The following PSG1 variants were observed in gnomAD, a reference collection of about 807,000 sequenced individuals.
The protein encoded by PSG1 is pregnancy specific beta-1-glycoprotein 1, also known as pregnancy-specific beta-1-glycoprotein 1.
In PSG1, 60 loss-of-function variants were observed where a neutral mutation model predicts 41.4. The ratio of observed to expected loss-of-function variants is 1.45; its 90% CI spans 1.18 to 1.80. The LOEUF (loss-of-function observed/expected upper bound fraction) is 1.80, where lower values mean the gene tolerates loss of function less well. Ranked by LOEUF, PSG1 falls within the 40% of genes most tolerant of loss-of-function variation. The pLI is 0.00. For synonymous variants in PSG1, 256 were observed against 192.9 expected, an observed-to-expected ratio of 1.33 and a Z score of -2.71; for missense variants, 806 against 516.9, an observed-to-expected ratio of 1.56 and a Z score of -5.42.
chr19:42,875,192 G>A (rs1044698568), intron 2 of PSG1, among the ~76,000 whole-genome samples: 1 of 151,774 alleles, frequency 6.6e-6, no homozygotes, highest in African/African-American at 2.4e-5. Flanking sequence ...CTGGGCATAG[G>A]CCAGGTTAAC....
intron 3 of PSG1, chr19:42,870,167 A>G (rs1971320251): frequency 6.6e-6 from 1 of 151,830 alleles, no homozygotes; most frequent in Non-Finnish European, 1.5e-5. Flanking sequence ...GTAGAGCTTG[A>G]TGCCTATAGT....
intron 2 of PSG1, among the ~76,000 whole-genome samples, chr19:42,873,388 T>C (rs1971474604): frequency 6.6e-6 from 1 of 151,656 alleles, no homozygotes; most frequent in African/African-American, 2.4e-5. Context: ...CATTTCAGAT[T>C]GTGGATTTCT....
intron 3 of PSG1, among the ~76,000 whole-genome samples, chr19:42,871,024 T>C (rs1971360328): frequency 6.6e-6 from 1 of 151,556 alleles, no homozygotes; most frequent in Non-Finnish European, 1.5e-5. Context: ...CCCTCTCCCT[T>C]TGCAGAGGGC....
chr19:42,872,069 T>C lies in PSG1; in HGVS notation c.431-24A>G, dbSNP rs1971417544. ...CACTGTGCAGAAAACAGGGTGAAGA[T>C]TGCCGTGTGTGGCGCCTTTGATTCC... On this transcript the variant is annotated intron_variant, in intron 2 of 5. Transcript: ENST00000436291. The C allele has an allele frequency of 4.4e-6, 7 of 1,597,430 alleles. No homozygotes were observed. In the East Asian group the frequency reaches 1.3e-4, roughly 31 times the overall value.
intron 3 of PSG1, chr19:42,870,446 C>T (rs1332158514): frequency 6.6e-6 from 1 of 151,450 alleles, no homozygotes; most frequent in African/African-American, 2.4e-5. Context: ...CGGTGAATTC[C>T]ACAGTGGCCA....
chr19:42,876,206 A>T (rs1217767395), intron 2 of PSG1, among the ~76,000 whole-genome samples: 11 of 151,474 alleles, frequency 7.3e-5, no homozygotes, highest in Non-Finnish European at 1.5e-4. Context: ...TGGGAGGAAG[A>T]TGAGGGACAC....
At chr19:42,875,910 T>C (rs1316226702) in intron 2 of PSG1, among the ~76,000 whole-genome samples, 2 of 148,652 alleles carry the variant, frequency 1.3e-5, no homozygotes, top group African/African-American at 4.9e-5. Flanking sequence ...CCCTGTCCCA[T>C]GGTCTTGTCC....
intron 3 of PSG1, 113 bp downstream of exon 3, chr19:42,871,654 T>C: frequency 3.1e-6 from 5 of 1,609,150 alleles, no homozygotes; most frequent in Non-Finnish European, 4.2e-6. Flanking sequence ...CCAGGTTTGA[T>C]GTCCAGGGGT....
Position 42,868,161 on chromosome 19 carries a change from A to G in PSG1, c.1183T>C (p.Ser395Pro). The G allele has an allele frequency of 6.2e-7, 1 of 1,612,432 alleles. No homozygotes were observed. The highest frequency in any genetic ancestry group is 8.5e-7 in the Non-Finnish European group (1 of 1,179,114). ...TTGCCAGTGGCTGAGTTACGAACAG[A>G]GCAAACATAGAGCCCGCTATGCTTT... ...TTKHSGLYVC[S>P]VRNSATGKES... The change falls in exon 5 of 6, where the codon TCT becomes CCT. Residue 395 changes from serine to proline, a missense_variant. Ser to Pro is a moderately conservative substitution (Grantham distance 74, BLOSUM62 -1). Transcript: ENST00000436291.
rs1064472 is a variant in PSG1, at chr19:42,879,647, C to T, written c.-66G>A. The T allele has an allele frequency of 2.6e-4, 421 of 1,590,962 alleles. 6 individuals are homozygous for T. The highest frequency in any genetic ancestry group is 3.2e-4 in the Non-Finnish European group (367 of 1,164,848). ...CTAGGATCCAGAAACTCTCTGAGCA[C>T]GGCTGTCAGCTGTGCTGTCCTTCCT... is the stretch of plus-strand genomic sequence containing the variant. On this transcript the variant is annotated 5_prime_UTR_variant, in exon 1 of 6. It adds an upstream start codon to the 5' untranslated region. Transcript: ENST00000436291.
rs778903227 is a variant in PSG1, at chr19:42,878,120, G to A, written c.223C>T (p.Leu75Phe). The A allele has an allele frequency of 1.4e-5, 22 of 1,612,120 alleles. No homozygotes were observed. The highest frequency in any genetic ancestry group is 1.8e-5 in the Non-Finnish European group (21 of 1,179,148). ...YIWYKGQMRD[L>F]YHYITSYVVD... ...ACATATGATGTAATGTAATGGTAGA[G>A]GTCCCTCATTTGCCCTTTGTACCAG... The change falls in exon 2 of 6, where the codon CTC becomes TTC. Residue 75 changes from leucine (L) to phenylalanine (F), a missense_variant. By Grantham distance (22) the Leu-to-Phe change is conservative (BLOSUM62 0). Coordinates refer to ENST00000436291, the MANE Select transcript of PSG1 (RefSeq NM_001184825.2).
chr19:42,876,485 C>T (rs938980210), intron 2 of PSG1, among the ~76,000 whole-genome samples: 3 of 151,444 alleles, frequency 2.0e-5, no homozygotes, highest in Admixed American at 6.6e-5. Flanking sequence ...CATCCAAGAT[C>T]CAATCTCTAA....
intron 1 of PSG1, 91 bp from the exon 2 acceptor site, chr19:42,878,369 C>T: frequency 6.7e-7 from 1 of 1,486,736 alleles, no homozygotes; most frequent in Non-Finnish European, 9.0e-7. Flanking sequence ...TCTCTTCAGT[C>T]CTCAGCCTTG....
At position 42,867,061 on chromosome 19, in the gene PSG1, G is replaced by A. The variant is rs1442393657; in HGVS notation, c.*73C>T. 1.3e-6 allele frequency: 1 copy of A among 771,980 alleles called. No homozygotes were observed. The highest frequency in any genetic ancestry group is 2.4e-6 in the Non-Finnish European group (1 of 417,530). The allele number at this position is 771,980 out of a possible 1,614,324, so 47.8% of individuals were successfully genotyped here. On this transcript the variant is annotated 3_prime_UTR_variant, in exon 6 of 6. Transcript: ENST00000436291. ...GAGTTGTCCACCTCCAGCTTATAGG[G>A]CTTCTGGAACAGAGTGGGTCTTGCT...
At position 42,879,648 on chromosome 19, in the gene PSG1, G is replaced by A. The variant is rs976264116; in HGVS notation, c.-67C>T. 3.0e-5 allele frequency: 47 copies of A among 1,586,972 alleles called. No individual in the cohort carries two copies. Among genetic ancestry groups the A allele is most frequent in the African/African-American group, 2.7e-5 (2 of 73,922 alleles). ...TAGGATCCAGAAACTCTCTGAGCAC[G>A]GCTGTCAGCTGTGCTGTCCTTCCTC... On this transcript the variant is annotated 5_prime_UTR_variant, in exon 1 of 6. Transcript: ENST00000436291.
chr19:42,878,210 C>G lies in PSG1; in HGVS notation c.133G>C (p.Val45Leu). ...AGAAGAACATCCTTCCCCTCGGAAA[C>G]TTTGGTTGGCTCGGCTTCAATCGTG... ...QVTIEAEPTK[V>L]SEGKDVLLLV... Residue 45 changes from valine (V) to leucine (L), a missense_variant, in exon 2 of 6, where the codon GTT (valine) becomes CTT (leucine). Coordinates refer to ENST00000436291, the MANE Select transcript of PSG1 (RefSeq NM_001184825.2). 2 of 1,611,574 alleles carry G rather than the reference C, an allele frequency of 1.2e-6. No homozygotes were observed. The highest frequency in any genetic ancestry group is 1.7e-6 in the Non-Finnish European group (2 of 1,178,886).
At chr19:42,879,396 C>G (rs1600521701) in intron 1 of PSG1, 122 bp downstream of exon 1, 4 of 1,441,692 alleles carry the variant, frequency 2.8e-6, no homozygotes, top group East Asian at 2.4e-5. Context: ...TCATGATCCA[C>G]CCACCTCAGA....
At chr19:42,877,172 A>G (rs914346362) in intron 2 of PSG1, among the ~76,000 whole-genome samples, 1 of 151,632 alleles carries the variant, frequency 6.6e-6, no homozygotes, top group African/African-American at 2.4e-5. Context: ...TTTACGTCAG[A>G]TCCCTGTGGA....
chr19:42,879,260 C>G (rs1231886515), intron 1 of PSG1, among the ~76,000 whole-genome samples: 1 of 149,738 alleles, frequency 6.7e-6, no homozygotes, highest in South Asian at 2.1e-4. Flanking sequence ...TCACGTGATT[C>G]TCCTGCCTCA....
Sources: allele counts gnomAD v4.1 joint callset (sites outside exome capture counted in the v4.1 genomes callset), GRCh38; gene constraint gnomAD v4.1.1; transcripts MANE v1.5; gene names NCBI Gene and HGNC (gene_info 2026-07-23, HGNC 2026-07-21).